The following EPHB1 variants were observed in gnomAD, a reference collection of about 807,000 sequenced individuals.
EPHB1 encodes EPH receptor B1.
Under a neutral mutation model 94.4 loss-of-function variants are expected in EPHB1, and 30 were observed. The ratio of observed to expected loss-of-function variants is 0.32; its 90% CI spans 0.24 to 0.43. The LOEUF is 0.43. Ranked by LOEUF, EPHB1 falls within the 20% of genes least tolerant of loss-of-function variation. The pLI is 1.00. For missense variants in EPHB1, 1,055 were observed against 1,308.3 expected (o/e 0.81, Z 2.99); for synonymous variants, 522 against 489.1 (o/e 1.07, Z -0.89).
At chr3:135,025,362 TC>T (rs1936125975) in intron 3 of EPHB1, among the ~76,000 whole-genome samples, 1 of 49,014 alleles carries the variant, frequency 2.0e-5, no homozygotes, top group African/African-American at 8.3e-5. Flanking sequence ...CCCTCCCCCC[TC>T]CCCCCACCCC....
intron 4 of EPHB1, among the ~76,000 whole-genome samples, chr3:135,127,189 G>A (rs1378189163): frequency 1.3e-5 from 2 of 152,164 alleles, no homozygotes. Context: ...GAGGATCATC[G>A]GTTGGTTTCG....
chr3:135,111,013 G>T lies in EPHB1; in HGVS notation c.961+4410G>T, dbSNP rs76891446. ...AAGAGTGCATAGGGTTTAGAGGGTA[G>T]AAATGGCTTTGGTATGACAGAAACA... On this transcript the variant is annotated intron_variant, in intron 4 of 15. Coordinates refer to ENST00000398015, the MANE Select transcript of EPHB1 (RefSeq NM_004441.5). 6.2e-3 allele frequency among the ~76,000 whole-genome samples: 941 copies of T among 152,286 alleles called. 17 individuals carry two copies. The highest frequency in any genetic ancestry group is 0.021 in the African/African-American group (889 of 41,554).
At chr3:135,020,918 C>T (rs544022592) in intron 3 of EPHB1, among the ~76,000 whole-genome samples, 4 of 151,748 alleles carry the variant, frequency 2.6e-5, no homozygotes, top group Admixed American at 2.6e-4. Context: ...TTTTTTTTTC[C>T]CAATAGTCAA....
At chr3:135,010,483 C>A (rs1935581013) in intron 3 of EPHB1, among the ~76,000 whole-genome samples, 1 of 150,606 alleles carries the variant, frequency 6.6e-6, no homozygotes, top group East Asian at 1.9e-4. Flanking sequence ...ATATTAAGTG[C>A]TTGGGTATTT....
chr3:134,802,106 G>A (rs1446802501), intron 1 of EPHB1, among the ~76,000 whole-genome samples: 7 of 152,172 alleles, frequency 4.6e-5, no homozygotes, highest in African/African-American at 1.4e-4. Context: ...GGGACTTGGA[G>A]TGGGTGCACA....
intron 12 of EPHB1, among the ~76,000 whole-genome samples, chr3:135,225,069 G>A (rs988231755): frequency 2.6e-5 from 4 of 152,138 alleles, no homozygotes; most frequent in African/African-American, 9.7e-5. Context: ...AAGCAGACAA[G>A]CTCCTCTCTG....
intron 5 of EPHB1, 92 bp downstream of exon 5, chr3:135,133,141 C>G (rs1221347435): frequency 7.8e-7 from 1 of 1,277,452 alleles, no homozygotes; most frequent in Non-Finnish European, 1.1e-6. Flanking sequence ...CCCATCCTGC[C>G]CGTGTACTGT....
At chr3:135,243,360 G>A (rs1320956401) in intron 13 of EPHB1, among the ~76,000 whole-genome samples, 3 of 152,138 alleles carry the variant, frequency 2.0e-5, no homozygotes, top group Non-Finnish European at 2.9e-5. Context: ...TTTACAGTCC[G>A]GTGGCATAAA....
chr3:135,159,775 T>C (rs1941457971), intron 6 of EPHB1, among the ~76,000 whole-genome samples: 5 of 152,218 alleles, frequency 3.3e-5, no homozygotes, highest in Admixed American at 3.3e-4. Context: ...TTCAACTGTG[T>C]GTTTGAGCTG....
chr3:134,943,068 G>A (rs2039150293), intron 2 of EPHB1, among the ~76,000 whole-genome samples: 5 of 152,344 alleles, frequency 3.3e-5, no homozygotes. Flanking sequence ...CTCGAAGGAA[G>A]GATCTGCAAA....
intron 5 of EPHB1, among the ~76,000 whole-genome samples, chr3:135,147,538 G>A (rs1039046960): frequency 6.6e-6 from 1 of 152,174 alleles, no homozygotes; most frequent in Non-Finnish European, 1.5e-5. Flanking sequence ...CAAGCCTTAG[G>A]TTCACACTGT....
chr3:134,871,953 G>A (rs535480652), intron 1 of EPHB1, among the ~76,000 whole-genome samples: 1 of 152,344 alleles, frequency 6.6e-6, no homozygotes, highest in South Asian at 2.1e-4. Flanking sequence ...TTCATAGGAA[G>A]CACAGGATGC....
chr3:135,043,605 C>T (rs1241368247), intron 3 of EPHB1, among the ~76,000 whole-genome samples: 2 of 152,230 alleles, frequency 1.3e-5, no homozygotes, highest in African/African-American at 2.4e-5. Flanking sequence ...CAGGTAATCA[C>T]CTGTCTCTGT....
rs962565811 is a variant in EPHB1, at chr3:134,951,069, G to A, written c.124-302G>A. The stretch of plus-strand genomic sequence containing the variant: ...CCATCACATGGGCTGAAAGCTGCAT[G>A]TTGTCCCCATGGATGTAATAAGCTA... On this transcript the variant is annotated intron_variant, in intron 2 of 15. Transcript: ENST00000398015. The surrounding 1 kb of genome is among the most constrained non-coding windows in gnomAD (Gnocchi z 4.5). 2.0e-5 allele frequency among the ~76,000 whole-genome samples: 3 copies of A among 152,198 alleles called. No homozygotes were observed. Among genetic ancestry groups the A allele is most frequent in the African/African-American group, 4.8e-5 (2 of 41,448 alleles).
chr3:135,023,908 T>A (rs1030073128), intron 3 of EPHB1, among the ~76,000 whole-genome samples: 1 of 152,240 alleles, frequency 6.6e-6, no homozygotes, highest in Non-Finnish European at 1.5e-5. Context: ...TAAAAAATAA[T>A]TCCTGTTTCT....
chr3:134,804,071 A>ATTTTTTTT (rs572201781), intron 1 of EPHB1, among the ~76,000 whole-genome samples: 5 of 43,750 alleles, frequency 1.1e-4, no homozygotes, highest in African/African-American at 2.9e-4. Context: ...ATTATTGGCT[A>ATTTTTTTT]TTTTTTTTTT....
intron 1 of EPHB1, among the ~76,000 whole-genome samples, chr3:134,917,543 T>C (rs2038599788): frequency 6.6e-6 from 1 of 152,242 alleles, no homozygotes; most frequent in Admixed American, 6.5e-5. Flanking sequence ...GCGTCTTCTT[T>C]CTAGTTACCG....
At chr3:135,228,845 C>T (rs546737956) in intron 12 of EPHB1, among the ~76,000 whole-genome samples, 8 of 152,204 alleles carry the variant, frequency 5.3e-5, no homozygotes, top group African/African-American at 1.9e-4. Flanking sequence ...TTTATCTGCC[C>T]TCCATATGCA....
intron 1 of EPHB1, among the ~76,000 whole-genome samples, chr3:134,824,125 CTTTTTTTTTTTT>C (rs373504139): frequency 3.0e-5 from 3 of 100,770 alleles, no homozygotes; most frequent in South Asian, 3.8e-4. Flanking sequence ...GGATAATGCC[CTTTTTTTTTTTT>C]TTTTTTTTTT....
Sources: gnomAD v4.1 joint callset for allele counts (sites outside exome capture counted in the v4.1 genomes callset) on GRCh38, gnomAD v4.1.1 for gene constraint, Gnocchi (gnomAD v3.1) non-coding constraint, MANE v1.5 for transcripts, NCBI Gene and HGNC (gene_info 2026-07-23, HGNC 2026-07-21) for gene names.